NCALD: variants seen among roughly 807,000 people sequenced by gnomAD.
NCALD encodes neurocalcin delta.
A neutral mutation model predicts 18.6 loss-of-function variants in NCALD; 10 were observed. The observed-to-expected ratio is 0.54, with a 90% CI of 0.33 to 0.91. The LOEUF is 0.91. NCALD is among the 40% of genes least tolerant of loss of function. The pLI is 0.03. For synonymous variants in NCALD, 88 were observed against 87.4 expected, an observed-to-expected ratio of 1.01 and a Z score of -0.04; for missense variants, 184 against 247.6, an observed-to-expected ratio of 0.74 and a Z score of 1.72.
rs542100286 is a variant in NCALD, at chr8:101,720,544, T to C, written c.-19-896A>G. ...TGTACTTAAATATGCTGTTAATATA[T>C]GTTTCCATAACAAGAATGCACACCT... On this transcript the variant is annotated intron_variant, in intron 1 of 3. Coordinates refer to ENST00000220931, the MANE Select transcript of NCALD (RefSeq NM_032041.3). Among the ~76,000 whole-genome samples, 7 of 152,338 alleles carry C rather than the reference T, an allele frequency of 4.6e-5. No individual in the cohort carries two copies. The East Asian group carries it at 9.6e-4, about 21-fold the overall frequency.
intron 1 of NCALD, among the ~76,000 whole-genome samples, chr8:102,034,047 C>CACAT (rs377408499): frequency 6.6e-6 from 1 of 151,090 alleles, no homozygotes; most frequent in Non-Finnish European, 1.5e-5. Context: ...CACACACACA[C>CACAT]GCAGCTTTGT....
At chr8:101,852,285 C>A (rs918231857) in intron 4 of NCALD, among the ~76,000 whole-genome samples, 4 of 152,190 alleles carry the variant, frequency 2.6e-5, no homozygotes, top group Non-Finnish European at 5.9e-5. Context: ...GTACTATGTT[C>A]TTTTCACTTC....
intron 1 of NCALD, among the ~76,000 whole-genome samples, chr8:101,738,125 G>C (rs1810007998): frequency 6.6e-6 from 1 of 152,104 alleles, no homozygotes; most frequent in Non-Finnish European, 1.5e-5. Flanking sequence ...CAGGTCCAAA[G>C]TTTATCAGCA....
intron 1 of NCALD, among the ~76,000 whole-genome samples, chr8:102,037,018 G>A (rs1009894920): frequency 3.9e-5 from 6 of 152,216 alleles, no homozygotes; most frequent in South Asian, 2.1e-4. Context: ...ATGTGTAAGC[G>A]TTGTATAATC....
At chr8:101,940,017 G>A (rs1412680384) in intron 2 of NCALD, among the ~76,000 whole-genome samples, 1 of 152,202 alleles carries the variant, frequency 6.6e-6, no homozygotes, top group Non-Finnish European at 1.5e-5. Context: ...CGGCTTTTAA[G>A]AGAGTGGCAA....
In NCALD at chr8:101,845,491, C is replaced by T. The variant is rs76512824; in HGVS notation, c.-20+41650G>A. Reference sequence around the variant, plus strand: ...CCACACAAGCCATCCCTATTGGTCCCATTGAAGCTCAAGGATTATACATTT... The same window carrying T: ...CCACACAAGCCATCCCTATTGGTCCTATTGAAGCTCAAGGATTATACATTT... On this transcript the variant is annotated intron_variant, in intron 4 of 6. Transcript: ENST00000311028. Among the ~76,000 whole-genome samples the T allele has an allele frequency of 4.9e-3, 752 of 152,268 alleles. 5 individuals are homozygous for T. The highest frequency in any genetic ancestry group is 0.017 in the African/African-American group (727 of 41,546).
rs553387597 is a variant in NCALD, at chr8:101,929,133, A to C, written c.-156-13275T>G. Among the ~76,000 whole-genome samples the C allele has an allele frequency of 6.0e-5, 9 of 151,220 alleles. No homozygotes were observed. In the East Asian group the frequency reaches 1.8e-3, roughly 30 times the overall value. On this transcript the variant is annotated intron_variant, in intron 2 of 6. Coordinates refer to the NCALD transcript ENST00000311028. ...CTTATTTAATCCATCATATACATAA[A>C]ATGTTTTCCCCTCGATTCTGAGAAT...
chr8:101,817,483 C>T (rs1382516502), intron 4 of NCALD, among the ~76,000 whole-genome samples: 1 of 152,040 alleles, frequency 6.6e-6, no homozygotes, highest in Admixed American at 6.6e-5. Context: ...CGGTTTCAGC[C>T]TCTTGCCTAG....
intron 4 of NCALD, among the ~76,000 whole-genome samples, chr8:101,875,448 T>C (rs1816190831): frequency 6.6e-6 from 1 of 152,178 alleles, no homozygotes; most frequent in African/African-American, 2.4e-5. Flanking sequence ...TTCATTGTCC[T>C]TTTTTCTAAC....
chr8:102,101,345 T>G (rs1305170046), intron 1 of NCALD, among the ~76,000 whole-genome samples: 1 of 152,224 alleles, frequency 6.6e-6, no homozygotes, highest in Non-Finnish European at 1.5e-5. Flanking sequence ...GCAACAAATT[T>G]TAAAAAGTTT....
chr8:101,983,136 C>T (rs1429647219), intron 2 of NCALD, among the ~76,000 whole-genome samples: 1 of 152,138 alleles, frequency 6.6e-6, no homozygotes, highest in Admixed American at 6.5e-5. Context: ...AACTGTCCTC[C>T]CTTTTGAGCA....
intron 1 of NCALD, among the ~76,000 whole-genome samples, chr8:101,724,958 C>A (rs1335454086): frequency 6.6e-6 from 1 of 152,204 alleles, no homozygotes; most frequent in Admixed American, 6.5e-5. Context: ...CTCATTTATT[C>A]CACAAACAGG....
intron 2 of NCALD, among the ~76,000 whole-genome samples, chr8:101,956,059 T>C (rs553208245): frequency 6.6e-6 from 1 of 152,306 alleles, no homozygotes; most frequent in East Asian, 1.9e-4. Context: ...GGTAAGGGAA[T>C]TAGAATAAAT....
At chr8:101,763,079 C>T (rs1341905037) in intron 1 of NCALD, among the ~76,000 whole-genome samples, 5 of 152,218 alleles carry the variant, frequency 3.3e-5, no homozygotes, top group South Asian at 2.1e-4. Flanking sequence ...AAATATTTAT[C>T]GAGTGTATGT....
intron 1 of NCALD, among the ~76,000 whole-genome samples, chr8:102,100,567 A>C (rs1366290699): frequency 6.6e-6 from 1 of 152,234 alleles, no homozygotes; most frequent in Non-Finnish European, 1.5e-5. Flanking sequence ...TCGTCAAGAA[A>C]CATAAATGCT....
intron 4 of NCALD, among the ~76,000 whole-genome samples, chr8:101,838,386 T>C (rs752720024): frequency 2.4e-4 from 37 of 152,156 alleles, no homozygotes; most frequent in Non-Finnish European, 4.3e-4. Flanking sequence ...AATGCCCAGC[T>C]AATTTTTGTA....
intron 1 of NCALD, among the ~76,000 whole-genome samples, chr8:102,069,175 G>C (rs1253615664): frequency 3.1e-5 from 4 of 128,154 alleles, no homozygotes. Flanking sequence ...ATTGCTAAAA[G>C]AGACTTTAAA....
intron 4 of NCALD, among the ~76,000 whole-genome samples, chr8:101,843,976 C>T (rs1586618200): frequency 6.6e-6 from 1 of 152,168 alleles, no homozygotes; most frequent in Admixed American, 6.5e-5. Flanking sequence ...ATGCATACTC[C>T]TCAGATTTAA....
At chr8:102,087,185 C>T (rs1824764748) in intron 1 of NCALD, among the ~76,000 whole-genome samples, 1 of 152,164 alleles carries the variant, frequency 6.6e-6, no homozygotes, top group African/African-American at 2.4e-5. Flanking sequence ...TGTGTGAGAT[C>T]CAAGAACCCT....
Sources: gnomAD v4.1 joint callset for allele counts (sites outside exome capture counted in the v4.1 genomes callset) on GRCh38, gnomAD v4.1.1 for gene constraint, MANE v1.5 for transcripts, NCBI Gene and HGNC (gene_info 2026-07-23, HGNC 2026-07-21) for gene names.